The following EML1 variants were observed in gnomAD, a reference collection of about 807,000 sequenced individuals.
EML1 encodes EMAP like 1.
EML1 carries 27 observed loss-of-function variants against 110.4 expected under a neutral mutation model. The observed-to-expected ratio is 0.24, with a 90% CI of 0.18 to 0.34. The LOEUF is 0.34. EML1 is among the 10% of genes least tolerant of loss of function. The pLI, the probability that EML1 is intolerant of heterozygous loss-of-function variation, is 1.00. For missense variants in EML1, 741 were observed against 1,030.9 expected, an observed-to-expected ratio of 0.72 and a Z score of 3.85; for synonymous variants, 344 against 385.8, an observed-to-expected ratio of 0.89 and a Z score of 1.27.
At chr14:99,828,441 A>C (rs2058395713) in intron 1 of EML1, among the ~76,000 whole-genome samples, 1 of 152,154 alleles carries the variant, frequency 6.6e-6, no homozygotes, top group African/African-American at 2.4e-5. Context: ...CTTGTATTCA[A>C]GGAACCCTTA....
chr14:99,750,351 A>ATGGGGGCAGG (rs1566848183), intron 1 of EML1, among the ~76,000 whole-genome samples: 3 of 152,202 alleles, frequency 2.0e-5, no homozygotes, highest in African/African-American at 7.2e-5. Flanking sequence ...CTGGCAGCAC[A>ATGGGGGCAGG]TGGGGGCAGG....
chr14:99,854,289 T>C (rs915182819), intron 2 of EML1, among the ~76,000 whole-genome samples: 13 of 152,386 alleles, frequency 8.5e-5, no homozygotes, highest in African/African-American at 3.1e-4. Flanking sequence ...ACTCCACTTA[T>C]TTGAAGAATG....
chr14:99,789,429 G>A (rs747188314), upstream of EML1, among the ~76,000 whole-genome samples: 21 of 152,080 alleles, frequency 1.4e-4, no homozygotes, highest in Non-Finnish European at 2.1e-4. Flanking sequence ...GGCTGGTTTC[G>A]AACTCCTGAC....
chr14:99,826,105 A>ATTTTTTTTTTTTTTTTTTTTTTTTTTTTT (rs71113225), intron 1 of EML1, among the ~76,000 whole-genome samples: 8 of 79,966 alleles, frequency 1.0e-4, no homozygotes, highest in African/African-American at 4.1e-4. Context: ...CTGTGCATTG[A>ATTTTTTTTTTTTTTTTTTTTTTTTTTTTT]TTTTTTTTTT....
rs117717384 is a variant in EML1, at chr14:99,760,984, C to G, written c.28+23124C>G. On this transcript the variant is annotated intron_variant, in intron 1 of 10. Transcript: ENST00000554479. ...GGAGAAAGAAAAACAGAACCACAGA[C>G]AAATGCCAGAGCCCTCTCAGACCAA... 1.2e-4 allele frequency among the ~76,000 whole-genome samples: 19 copies of G among 152,134 alleles called. No homozygotes were observed. In the East Asian group the frequency reaches 1.5e-3, roughly 12 times the overall value.
chr14:99,787,080 G>A (rs1177282111), intron 1 of EML1, among the ~76,000 whole-genome samples: 4 of 152,180 alleles, frequency 2.6e-5, no homozygotes, highest in East Asian at 1.9e-4. Flanking sequence ...TGTTGTAGAA[G>A]GGACAGCTGC....
chr14:99,839,396 C>G (rs894293782), intron 1 of EML1, among the ~76,000 whole-genome samples: 1 of 152,138 alleles, frequency 6.6e-6, no homozygotes, highest in African/African-American at 2.4e-5. Context: ...ACTGAGTGCC[C>G]TTGGATTGGG....
Position 99,905,341 on chromosome 14 carries a change from C to T in EML1, c.1009-2297C>T, listed in dbSNP as rs927050693. Among the ~76,000 whole-genome samples the T allele has an allele frequency of 6.6e-6, 1 of 152,218 alleles. No individual in the cohort carries two copies. The highest frequency in any genetic ancestry group is 6.5e-5 in the Admixed American group (1 of 15,286). ...TCGGCCCCATCGTTGTTAATCCAGC[C>T]TCCAACCAGGAGCTTCAACTTACGG... On this transcript the variant is annotated intron_variant, in intron 9 of 21. Transcript: ENST00000262233. This position sits in a 1 kb window ranked among gnomAD's most constrained non-coding sequence, Gnocchi z 4.1.
intron 12 of EML1, 97 bp downstream of exon 12, chr14:99,910,438 G>A (rs548742831): frequency 2.2e-6 from 2 of 927,690 alleles, no homozygotes; most frequent in South Asian, 1.7e-5. Context: ...ACAACGTACA[G>A]GAGTAGGATG....
intron 1 of EML1, among the ~76,000 whole-genome samples, chr14:99,759,964 G>A (rs192882133): frequency 2.0e-5 from 3 of 151,456 alleles, no homozygotes; most frequent in African/African-American, 4.9e-5. Flanking sequence ...GAAATTAGCC[G>A]GGCGTGGTGG....
rs560667971 is a variant in EML1 at position 99,905,827 on chromosome 14, C to T, written c.1009-1811C>T. On this transcript the variant is annotated intron_variant, in intron 9 of 21. Coordinates refer to ENST00000262233, the MANE Select transcript of EML1 (RefSeq NM_004434.3). The surrounding 1 kb of genome is among the most constrained non-coding windows in gnomAD (Gnocchi z 4.1). ...GGCCTGGAACCCAAGGTCTGTCTAG[C>T]GTCCTTGCCTTTTATTAAGAGGGGC... is the stretch of plus-strand genomic sequence containing the variant. Among the ~76,000 whole-genome samples, 6 of 152,238 alleles carry T rather than the reference C, an allele frequency of 3.9e-5. No homozygotes were observed. The highest frequency in any genetic ancestry group is 3.9e-4 in the East Asian group (2 of 5,178).
intron 1 of EML1, chr14:99,774,096 C>T: frequency 6.6e-6 from 1 of 152,410 alleles, no homozygotes; most frequent in Non-Finnish European, 1.5e-5. Flanking sequence ...GGCCTCTGAA[C>T]CACACTTGGG....
At position 99,812,994 on chromosome 14, in the gene EML1, C is replaced by T. The variant is rs562741739; in HGVS notation, c.67+19451C>T. On this transcript the variant is annotated intron_variant, in intron 1 of 21. Transcript: ENST00000262233. ...TCTGTAAAAAATCTGTTCCACACTG[C>T]GTAACCTCCACATCCTTCTCCTAAG... Among the ~76,000 whole-genome samples, 8 of 152,296 alleles carry T rather than the reference C, an allele frequency of 5.3e-5. No individual in the cohort carries two copies. The East Asian group carries it at 1.2e-3, about 22-fold the overall frequency.
chr14:99,915,141 G>A (rs147294981), intron 15 of EML1: 13 of 218,756 alleles, frequency 5.9e-5, no homozygotes, highest in Non-Finnish European at 8.9e-5. Flanking sequence ...AGCTGGGCAC[G>A]GTGGCTCATG....
At chr14:99,797,347 G>T (rs1282297273) in intron 1 of EML1, among the ~76,000 whole-genome samples, 1 of 152,118 alleles carries the variant, frequency 6.6e-6, no homozygotes, top group Non-Finnish European at 1.5e-5. Flanking sequence ...TCTGTTACTT[G>T]TTGATGGGTT....
chr14:99,880,387 CTTCCCGCCT>C, intron 4 of EML1, among the ~76,000 whole-genome samples: 1 of 152,206 alleles, frequency 6.6e-6, no homozygotes, highest in Non-Finnish European at 1.5e-5. Context: ...TGCCTGACCC[CTTCCCGCCT>C]TTCTTCCTCT....
intron 1 of EML1, among the ~76,000 whole-genome samples, chr14:99,759,550 A>C (rs116344807): frequency 6.6e-6 from 1 of 152,304 alleles, no homozygotes; most frequent in African/African-American, 2.4e-5. Flanking sequence ...CATATGTGTG[A>C]GCACTTCAGA....
At chr14:99,938,487 G>A (rs1482864504) in intron 20 of EML1, among the ~76,000 whole-genome samples, 3 of 152,194 alleles carry the variant, frequency 2.0e-5, no homozygotes, top group African/African-American at 4.8e-5. Flanking sequence ...AAAACCCAAC[G>A]TGCATCCAGC....
chr14:99,835,892 A>G (rs571591220), intron 1 of EML1, among the ~76,000 whole-genome samples: 10 of 152,282 alleles, frequency 6.6e-5, no homozygotes, highest in African/African-American at 1.7e-4. Context: ...CCATTGATCT[A>G]TGTGTCTGTT....
Sources: gnomAD v4.1 joint callset for allele counts (sites outside exome capture counted in the v4.1 genomes callset) on GRCh38, gnomAD v4.1.1 for gene constraint, Gnocchi (gnomAD v3.1) non-coding constraint, MANE v1.5 for transcripts, NCBI Gene and HGNC (gene_info 2026-07-23, HGNC 2026-07-21) for gene names.